Variants in EML5 observed in about 807,000 individuals in gnomAD.
EML5 encodes the protein echinoderm microtubule-associated protein-like 5.
EML5 carries 120 observed loss-of-function variants against 250.0 expected under a neutral mutation model. The ratio of observed to expected loss-of-function variants is 0.48; its 90% confidence interval spans 0.41 to 0.56. The LOEUF (loss-of-function observed/expected upper bound fraction) is 0.56. Among genes scored for constraint, EML5 ranks in the 20% least tolerant of loss-of-function variants. The pLI, the probability that EML5 is intolerant of heterozygous loss-of-function variation, is 0.00. For missense variants in EML5, 2,006 were observed against 2,437.6 expected (o/e 0.82, Z 3.73); for synonymous variants, 771 against 806.5 (o/e 0.96, Z 0.75).
At chr14:88,693,117 T>A (rs893841753) in intron 17 of EML5, among the ~76,000 whole-genome samples, 3 of 152,198 alleles carry the variant, frequency 2.0e-5, no homozygotes, top group South Asian at 2.1e-4. Flanking sequence ...TAATTTTTTT[T>A]AATTTTCATT....
At chr14:88,644,317 A>C in intron 30 of EML5, 116 bp downstream of exon 30, 1 of 886,140 alleles carries the variant, frequency 1.1e-6, no homozygotes, top group Non-Finnish European at 1.7e-6. Context: ...TAAGTCAAAC[A>C]AAAAACAGTA....
chr14:88,792,549 C>A lies in EML5; in HGVS notation c.-46G>T, dbSNP rs2140914582. ...CTCCCGCTCGGGCCCGCGGCGGCGA[C>A]GGGAGGCGGCGGCGGCCCGGCAACG... is the stretch of plus-strand genomic sequence containing the variant. On this transcript the variant is annotated 5_prime_UTR_variant, in exon 1 of 44. Transcript: ENST00000554922. The surrounding 1 kb of genome is among the most constrained non-coding windows in gnomAD (Gnocchi z 6.9). 8.2e-7 allele frequency: 1 copy of A among 1,218,872 alleles called. No individual in the cohort carries two copies. The highest frequency in any genetic ancestry group is 4.5e-5 in the Admixed American group (1 of 22,310). 75.5% of individuals were successfully genotyped at this position (1,218,872 alleles called of 1,614,324 possible).
At chr14:88,728,452 A>C (rs756239019) in intron 7 of EML5, among the ~76,000 whole-genome samples, 1 of 152,240 alleles carries the variant, frequency 6.6e-6, no homozygotes, top group Non-Finnish European at 1.5e-5. Flanking sequence ...GTTGTTTAAC[A>C]TACACTTTGT....
At position 88,647,687 on chromosome 14, in the gene EML5, C is replaced by CAAAAAA. The variant is rs34191990; in HGVS notation, c.4020-738_4020-733dup. Among the ~76,000 whole-genome samples, 224 of 48,724 alleles carry CAAAAAA rather than the reference C, an allele frequency of 4.6e-3. 15 individuals are homozygous for CAAAAAA. Among genetic ancestry groups the CAAAAAA allele is most frequent in the African/African-American group, 0.016 (213 of 13,554 alleles). 32.0% of individuals were successfully genotyped at this position (48,724 alleles called of 152,430 possible). ...CCTAGGTAACAGAGTGAGACCGTCT[C>CAAAAAA]AAAAAAAAAAAAAAAAAAAAAAAGG... is the stretch of plus-strand genomic sequence containing the variant. On this transcript the variant is annotated intron_variant, in intron 28 of 43. Coordinates refer to ENST00000554922, the MANE Select transcript of EML5 (RefSeq NM_183387.3).
intron 8 of EML5, among the ~76,000 whole-genome samples, chr14:88,723,180 A>G (rs2093616448): frequency 1.3e-5 from 2 of 152,192 alleles, no homozygotes; most frequent in South Asian, 4.1e-4. Flanking sequence ...TCAGCAGCTG[A>G]GGCAGGAGGA....
intron 11 of EML5, chr14:88,705,886 T>C (rs2093308465): frequency 3.5e-6 from 2 of 570,372 alleles, no homozygotes; most frequent in South Asian, 1.6e-5. Flanking sequence ...ATAATTAACA[T>C]GAAAAATAGC....
At chr14:88,728,472 G>C (rs974303739) in intron 7 of EML5, among the ~76,000 whole-genome samples, 1 of 152,120 alleles carries the variant, frequency 6.6e-6, no homozygotes, top group African/African-American at 2.4e-5. Context: ...TGCATTATAT[G>C]TACTAATACT....
chr14:88,638,874 T>A lies in EML5; in HGVS notation c.4271A>T (p.Asp1424Val). 6.3e-7 allele frequency: 1 copy of A among 1,595,152 alleles called. No homozygotes were observed. Among genetic ancestry groups the A allele is most frequent in the Non-Finnish European group, 8.5e-7 (1 of 1,170,344 alleles). ...CTGGTTTACTGTGAGGCACAGAATA[T>A]CATCATTATGTTCCTGATAAAAACT... Reference protein sequence around the residue: ...SQSFYQEHNDDILCLTVNQHP... With the variant: ...SQSFYQEHNDVILCLTVNQHP... The change falls in exon 32 of 44, where the codon GAT (aspartate) becomes GTT (valine). Residue 1424 changes from aspartate (D) to valine (V), a missense_variant. By Grantham distance (152) the Asp-to-Val change is radical. Coordinates refer to ENST00000554922, the MANE Select transcript of EML5 (RefSeq NM_183387.3).
rs757023015 is a variant in EML5 at position 88,627,022 on chromosome 14, C to G, written c.4556G>C (p.Gly1519Ala). 2 of 1,613,838 alleles carry G rather than the reference C, an allele frequency of 1.2e-6. No individual in the cohort carries two copies. The highest frequency in any genetic ancestry group is 1.7e-4 in the Middle Eastern group (1 of 6,060). ...QEGAKIASRA[G>A]HNQRIFVAEF... ...TGCCACAAAAATACGTTGATTGTGA[C>G]CAGCTCTGCTGGCAATTTTGGCACC... is the stretch of plus-strand genomic sequence containing the variant. Residue 1519 changes from glycine (G) to alanine (A), a missense_variant, in exon 35 of 44, where the codon GGT becomes GCT. Coordinates refer to ENST00000554922, the MANE Select transcript of EML5 (RefSeq NM_183387.3).
At chr14:88,733,398 G>T (rs1206725450) in intron 7 of EML5, among the ~76,000 whole-genome samples, 1 of 152,198 alleles carries the variant, frequency 6.6e-6, no homozygotes, top group African/African-American at 2.4e-5. Context: ...TCAGTTCTTT[G>T]AAGCTTTTAA....
At chr14:88,627,972 T>A in intron 33 of EML5, 153 bp from the exon 34 acceptor site, 1 of 810,614 alleles carries the variant, frequency 1.2e-6, no homozygotes, top group Non-Finnish European at 2.0e-6. Context: ...AGGCTAAATT[T>A]AAGAAAGGAA....
chr14:88,729,572 GTT>G (rs1413028810), intron 7 of EML5, among the ~76,000 whole-genome samples: 17 of 141,654 alleles, frequency 1.2e-4, no homozygotes, highest in African/African-American at 3.7e-4. Flanking sequence ...TTTGTTTTTT[GTT>G]TTTTTGAGAC....
chr14:88,629,205 CATG>C (rs999635039), intron 33 of EML5, among the ~76,000 whole-genome samples: 1 of 152,018 alleles, frequency 6.6e-6, no homozygotes, highest in African/African-American at 2.4e-5. Context: ...TTTGCCAAAT[CATG>C]ATGAGGTAGA....
Position 88,618,339 on chromosome 14 carries a change from A to C in EML5, c.5539-8T>G. 3 of 1,612,118 alleles carry C rather than the reference A, an allele frequency of 1.9e-6. No individual in the cohort carries two copies. The highest frequency in any genetic ancestry group is 2.5e-6 in the Non-Finnish European group (3 of 1,178,872). On this transcript the variant is annotated splice_region_variant and splice_polypyrimidine_tract_variant and intron_variant, in intron 40 of 43. Coordinates refer to ENST00000554922, the MANE Select transcript of EML5 (RefSeq NM_183387.3). ...ATAGCAGCCACTAGAGACCTTTTTCATCAGATTAAAATGGGACAAGAATTC... is the reference window on the plus strand; with the variant it reads ...ATAGCAGCCACTAGAGACCTTTTTCCTCAGATTAAAATGGGACAAGAATTC...
At chr14:88,636,993 T>G (rs746438493) in intron 32 of EML5, among the ~76,000 whole-genome samples, 3 of 152,194 alleles carry the variant, frequency 2.0e-5, no homozygotes, top group African/African-American at 7.2e-5. Context: ...CTGGCTAAAA[T>G]AGTACAAAAT....
chr14:88,760,748 A>T (rs981798121), intron 1 of EML5, among the ~76,000 whole-genome samples: 3 of 152,154 alleles, frequency 2.0e-5, no homozygotes, highest in Non-Finnish European at 4.4e-5. Context: ...CTTTGAAGAG[A>T]AGTGACATCT....
At chr14:88,634,577 T>C (rs937461794) in intron 32 of EML5, 88 bp from the exon 33 acceptor site, 15 of 741,362 alleles carry the variant, frequency 2.0e-5, no homozygotes, top group Non-Finnish European at 2.8e-5. Flanking sequence ...ATTTAAACTA[T>C]TATATACAAA....
chr14:88,707,975 T>C (rs988651659), intron 10 of EML5, among the ~76,000 whole-genome samples: 1 of 152,184 alleles, frequency 6.6e-6, no homozygotes, highest in African/African-American at 2.4e-5. Context: ...GATCTACTAA[T>C]TTGTTATGTT....
intron 5 of EML5, among the ~76,000 whole-genome samples, chr14:88,739,625 C>T (rs1292060323): frequency 6.6e-6 from 1 of 152,022 alleles, no homozygotes; most frequent in Non-Finnish European, 1.5e-5. Context: ...CTGTGAGAGA[C>T]TTTTCTAGGC....
Sources: gnomAD v4.1 joint callset for allele counts (sites outside exome capture counted in the v4.1 genomes callset) on GRCh38, gnomAD v4.1.1 for gene constraint, Gnocchi (gnomAD v3.1) non-coding constraint, MANE v1.5 for transcripts, NCBI Gene and HGNC (gene_info 2026-07-23, HGNC 2026-07-21) for gene names.